Variants in PALS1 observed in about 807,000 individuals in gnomAD.
The protein encoded by PALS1 is protein PALS1.
In PALS1, 31 loss-of-function variants were observed where a neutral mutation model predicts 78.9. The observed-to-expected ratio is 0.39, with a 90% CI of 0.30 to 0.53. The LOEUF (loss-of-function observed/expected upper bound fraction) is 0.53. Ranked by LOEUF, PALS1 falls within the 20% of genes least tolerant of loss-of-function variation. The pLI, the probability that PALS1 is intolerant of heterozygous loss-of-function variation, is 0.67. For synonymous variants in PALS1, 276 were observed against 270.9 expected, an observed-to-expected ratio of 1.02 and a Z score of -0.18; for missense variants, 704 against 826.5, an observed-to-expected ratio of 0.85 and a Z score of 1.82.
intron 14 of PALS1, among the ~76,000 whole-genome samples, chr14:67,329,438 C>G (rs1367710195): frequency 6.6e-6 from 1 of 152,166 alleles, no homozygotes; most frequent in Admixed American, 6.5e-5. Flanking sequence ...GATAATTCGA[C>G]TTCCTCTTTT....
At chr14:67,314,482 T>TA (rs2085138960) in intron 9 of PALS1, among the ~76,000 whole-genome samples, 1 of 152,232 alleles carries the variant, frequency 6.6e-6, no homozygotes, top group Admixed American at 6.5e-5. Flanking sequence ...ATGGACTTCT[T>TA]ACATTTATTT....
intron 13 of PALS1, among the ~76,000 whole-genome samples, chr14:67,322,976 T>C (rs2085283350): frequency 6.6e-6 from 1 of 152,210 alleles, no homozygotes; most frequent in African/African-American, 2.4e-5. Flanking sequence ...TTATGTTCTA[T>C]GATTTTGCTT....
intron 14 of PALS1, among the ~76,000 whole-genome samples, chr14:67,325,900 C>A (rs1285260422): frequency 2.0e-5 from 3 of 151,590 alleles, no homozygotes; most frequent in Admixed American, 6.6e-5. Flanking sequence ...CCTCCGCCTC[C>A]TGGGTTCGAG....
At chr14:67,321,990 ATGCT>A (rs747403853) in intron 13 of PALS1, among the ~76,000 whole-genome samples, 187 of 152,326 alleles carry the variant, frequency 1.2e-3, no homozygotes, top group Non-Finnish European at 2.2e-3. Context: ...ATCACAGTGA[ATGCT>A]TGGTTGTATG....
intron 10 of PALS1, among the ~76,000 whole-genome samples, chr14:67,317,110 T>G (rs988645075): frequency 2.5e-4 from 38 of 152,232 alleles, no homozygotes; most frequent in Admixed American, 1.4e-3. Flanking sequence ...TTGAAAATTG[T>G]AAATGCTTTC....
intron 4 of PALS1, among the ~76,000 whole-genome samples, chr14:67,295,971 G>A (rs1357182196): frequency 6.6e-6 from 1 of 152,138 alleles, no homozygotes; most frequent in Non-Finnish European, 1.5e-5. Flanking sequence ...ACCTGTGAAA[G>A]TTGCATTAGG....
At chr14:67,274,928 G>A (rs938133007) in intron 2 of PALS1, among the ~76,000 whole-genome samples, 4 of 152,120 alleles carry the variant, frequency 2.6e-5, no homozygotes, top group Non-Finnish European at 4.4e-5. Flanking sequence ...CTATTTGTCT[G>A]TTATTGGTGT....
At chr14:67,258,341 T>A (rs1447534447) in intron 1 of PALS1, among the ~76,000 whole-genome samples, 2 of 152,120 alleles carry the variant, frequency 1.3e-5, no homozygotes, top group East Asian at 3.9e-4. Context: ...TCGAGACTAG[T>A]CTGGGCAATG....
Position 67,332,767 on chromosome 14 carries a change from C to T in PALS1, c.1852-13C>T, listed in dbSNP as rs2085469050. 12 of 1,597,302 alleles carry T rather than the reference C, an allele frequency of 7.5e-6. No individual in the cohort carries two copies. Among genetic ancestry groups the T allele is most frequent in the Non-Finnish European group, 1.0e-5 (12 of 1,168,660 alleles). ...AAAGGAATTATCTCACAGTTTTTAT[C>T]TTCTGTTTGCAGCCTGAAGAGTTGA... is the stretch of plus-strand genomic sequence containing the variant. On this transcript the variant is annotated splice_polypyrimidine_tract_variant and intron_variant, in intron 14 of 14. Coordinates refer to ENST00000261681, the MANE Select transcript of PALS1 (RefSeq NM_022474.4).
intron 4 of PALS1, among the ~76,000 whole-genome samples, chr14:67,298,710 A>G (rs1433578672): frequency 2.0e-5 from 3 of 152,190 alleles, no homozygotes; most frequent in African/African-American, 4.8e-5. Context: ...GTTTTATTGT[A>G]TAGTTCAGTG....
rs61170664 is a variant in PALS1 at position 67,316,398 on chromosome 14, TTGGAATTGAATA to T, written c.1226-419_1226-408del. Among the ~76,000 whole-genome samples the T allele has an allele frequency of 4.4e-3, 664 of 152,304 alleles. 16 individuals are homozygous for T. In the East Asian group the frequency reaches 0.059, roughly 14 times the overall value. The stretch of plus-strand genomic sequence containing the variant: ...GCAAGGGAATATACTGAATGGTTTC[TTGGAATTGAATA>T]TGGAATTGAATATGTGATGAATGCG... On this transcript the variant is annotated intron_variant, in intron 9 of 14. Transcript: ENST00000261681.
chr14:67,272,052 A>G (rs1180851561), intron 2 of PALS1: 2 of 144,012 alleles, frequency 1.4e-5, no homozygotes, highest in African/African-American at 5.6e-5. Flanking sequence ...ACTGGACGAC[A>G]GAGTCTCAAA....
chr14:67,329,413 T>C (rs541887927), intron 14 of PALS1, among the ~76,000 whole-genome samples: 1 of 152,344 alleles, frequency 6.6e-6, no homozygotes, highest in South Asian at 2.1e-4. Context: ...TACAATCATG[T>C]CATCTGCAAA....
chr14:67,261,692 T>G (rs2084240331), intron 1 of PALS1, among the ~76,000 whole-genome samples: 1 of 152,112 alleles, frequency 6.6e-6, no homozygotes, highest in Non-Finnish European at 1.5e-5. Context: ...AGTATCACTT[T>G]ACATATGTAG....
intron 14 of PALS1, among the ~76,000 whole-genome samples, chr14:67,326,013 G>A (rs1171901080): frequency 7.7e-6 from 1 of 129,488 alleles, no homozygotes; most frequent in Non-Finnish European, 1.6e-5. Context: ...TTTTAGTAGA[G>A]ACTGGGTTTC....
At chr14:67,269,127 G>C (rs2084374013) in intron 1 of PALS1, among the ~76,000 whole-genome samples, 1 of 152,070 alleles carries the variant, frequency 6.6e-6, no homozygotes, top group Non-Finnish European at 1.5e-5. Context: ...TACAGTATGT[G>C]GTCGTGGTCC....
At chr14:67,262,656 T>A (rs764004068) in intron 1 of PALS1, among the ~76,000 whole-genome samples, 6 of 152,218 alleles carry the variant, frequency 3.9e-5, no homozygotes, top group Non-Finnish European at 8.8e-5. Context: ...AGATTTAGCT[T>A]TCAGAAAATC....
In PALS1 at chr14:67,292,592, T is replaced by G; in HGVS notation, c.449T>G (p.Leu150Arg). ...CAGAGCCAGGAGGATATTTCACTGC[T>G]TTTACAACTTGTTCAAAATAAGGAT... ...DSQSQEDISLLLQLVQNKDFQ... is the reference protein window; with the variant it reads ...DSQSQEDISLRLQLVQNKDFQ... The change falls in exon 4 of 15, where the codon CTT (leucine) becomes CGT (arginine). Residue 150 changes from leucine (L) to arginine (R), a missense_variant. Leu to Arg is a moderately radical substitution (Grantham distance 102). Transcript: ENST00000261681. 1 of 1,613,626 alleles carries G rather than the reference T, an allele frequency of 6.2e-7. No individual in the cohort carries two copies. Among genetic ancestry groups the G allele is most frequent in the Non-Finnish European group, 8.5e-7 (1 of 1,179,646 alleles).
intron 12 of PALS1, 127 bp from the exon 13 acceptor site, chr14:67,320,930 A>C: frequency 1.3e-6 from 1 of 753,164 alleles, no homozygotes; most frequent in Non-Finnish European, 2.2e-6. Flanking sequence ...GTAGGCACTT[A>C]GCATTTTCTC....
Sources: gnomAD v4.1 joint callset for allele counts (sites outside exome capture counted in the v4.1 genomes callset) on GRCh38, gnomAD v4.1.1 for gene constraint, MANE v1.5 for transcripts, NCBI Gene and HGNC (gene_info 2026-07-23, HGNC 2026-07-21) for gene names.